The following MGAT4C variants were observed in gnomAD, a reference collection of about 807,000 sequenced individuals.
The protein encoded by MGAT4C is alpha-1,3-mannosyl-glycoprotein 4-beta-N-acetylglucosaminyltransferase C.
In MGAT4C, 19 loss-of-function variants were observed where a neutral mutation model predicts 40.1. The observed-to-expected ratio is 0.47, with a 90% CI of 0.33 to 0.70. The LOEUF (loss-of-function observed/expected upper bound fraction) is 0.70. Ranked by LOEUF, MGAT4C falls within the 30% of genes least tolerant of loss-of-function variation. The pLI is 0.02. For synonymous variants in MGAT4C, 181 were observed against 187.1 expected, an observed-to-expected ratio of 0.97 and a Z score of 0.27; for missense variants, 491 against 563.2, an observed-to-expected ratio of 0.87 and a Z score of 1.30.
chr12:86,028,219 A>C (rs953772343), intron 2 of MGAT4C: 1 of 1,266,456 alleles, frequency 7.9e-7, no homozygotes, highest in African/African-American at 1.5e-5. Flanking sequence ...TGATGGAAAA[A>C]AGTTCAAAAT....
Position 86,584,430 on chromosome 12 carries a change from C to T in MGAT4C, c.-229+142779G>A, listed in dbSNP as rs886523486. ...TTAATTACAAGTTTTCCTAAGAAAA[C>T]AATAATATATGAATATATTATTCTG... On this transcript the variant is annotated intron_variant, in intron 2 of 7. Transcript: ENST00000548651. Among the ~76,000 whole-genome samples, 6 of 151,046 alleles carry T rather than the reference C, an allele frequency of 4.0e-5. 1 individual carries two copies. In the South Asian group the frequency reaches 8.3e-4, roughly 21 times the overall value.
intron 3 of MGAT4C, among the ~76,000 whole-genome samples, chr12:86,428,021 A>T (rs1956962304): frequency 6.6e-6 from 1 of 151,784 alleles, no homozygotes; most frequent in East Asian, 1.9e-4. Flanking sequence ...GTCCATTTCA[A>T]AAACAACAGC....
At chr12:86,671,119 C>A (rs939277001) in intron 2 of MGAT4C, among the ~76,000 whole-genome samples, 1 of 152,144 alleles carries the variant, frequency 6.6e-6, no homozygotes, top group Non-Finnish European at 1.5e-5. Context: ...TAACATCGTT[C>A]TTGAATGGTT....
At chr12:86,028,110 T>A (rs1167698944) in intron 2 of MGAT4C, 6 of 1,286,702 alleles carry the variant, frequency 4.7e-6, no homozygotes, top group Non-Finnish European at 6.1e-6. Context: ...ATACCTTGCA[T>A]CTTCTGGATC....
intron 2 of MGAT4C, among the ~76,000 whole-genome samples, chr12:86,044,484 C>T (rs2136949233): frequency 6.6e-6 from 1 of 152,204 alleles, no homozygotes; most frequent in African/African-American, 2.4e-5. Context: ...GATGCATGCA[C>T]ACACATATTC....
chr12:86,736,500 T>C (rs2136125322), intron 1 of MGAT4C, among the ~76,000 whole-genome samples: 1 of 151,882 alleles, frequency 6.6e-6, no homozygotes, highest in South Asian at 2.1e-4. Context: ...GTATATTAAC[T>C]AAATCACCCC....
At chr12:85,998,238 C>T (rs1886866094) in intron 2 of MGAT4C, among the ~76,000 whole-genome samples, 4 of 152,186 alleles carry the variant, frequency 2.6e-5, no homozygotes, top group African/African-American at 9.7e-5. Context: ...AGGCTGCACA[C>T]AGCACTGGGA....
intron 1 of MGAT4C, among the ~76,000 whole-genome samples, chr12:86,788,810 T>C (rs1951976598): frequency 6.6e-6 from 1 of 152,152 alleles, no homozygotes; most frequent in Non-Finnish European, 1.5e-5. Flanking sequence ...GAAAATGCTG[T>C]GCTATCTTTT....
intron 2 of MGAT4C, among the ~76,000 whole-genome samples, chr12:86,505,150 T>C (rs1388693117): frequency 1.3e-5 from 2 of 151,994 alleles, no homozygotes; most frequent in Non-Finnish European, 2.9e-5. Context: ...CTAGAGAATC[T>C]AATTCTGAAC....
chr12:86,187,520 T>G (rs914533285), intron 1 of MGAT4C, among the ~76,000 whole-genome samples: 1 of 152,030 alleles, frequency 6.6e-6, no homozygotes, highest in Non-Finnish European at 1.5e-5. Context: ...ATTGGTATAA[T>G]AGTTTTTAGA....
intron 3 of MGAT4C, among the ~76,000 whole-genome samples, chr12:86,432,163 A>G (rs1957051318): frequency 6.6e-6 from 1 of 152,156 alleles, no homozygotes; most frequent in Non-Finnish European, 1.5e-5. Flanking sequence ...AAACCAAGAA[A>G]ACTGAGTGGA....
chr12:86,133,413 T>C (rs1023309247), intron 1 of MGAT4C, among the ~76,000 whole-genome samples: 9 of 152,210 alleles, frequency 5.9e-5, no homozygotes, highest in African/African-American at 2.2e-4. Context: ...GGAAGCATTT[T>C]AGAGTAAATG....
In MGAT4C at chr12:86,421,498, G is replaced by A. The variant is rs561092660; in HGVS notation, c.-120+13659C>T. Reference sequence around the variant, plus strand: ...TTAAAAGACCTTGGATTGGCCTGGCGCCATGGCTCACGCCTGTAGTCCCAG... The same window carrying A: ...TTAAAAGACCTTGGATTGGCCTGGCACCATGGCTCACGCCTGTAGTCCCAG... On this transcript the variant is annotated intron_variant, in intron 3 of 7. Transcript: ENST00000548651. Among the ~76,000 whole-genome samples the A allele has an allele frequency of 1.1e-4, 17 of 152,240 alleles. No individual in the cohort carries two copies. In the South Asian group the frequency reaches 2.3e-3, roughly 20 times the overall value.
At chr12:86,526,271 T>C (rs1958881076) in intron 2 of MGAT4C, among the ~76,000 whole-genome samples, 1 of 152,040 alleles carries the variant, frequency 6.6e-6, no homozygotes, top group Admixed American at 6.6e-5. Flanking sequence ...AGGTTCCAAC[T>C]GCCATTGGTT....
intron 1 of MGAT4C, among the ~76,000 whole-genome samples, chr12:86,756,932 A>C (rs1416554598): frequency 6.6e-6 from 1 of 152,306 alleles, no homozygotes; most frequent in East Asian, 1.9e-4. Context: ...ACAAAATCAT[A>C]ATAAGCCTTT....
At chr12:86,354,300 A>C (rs1394870091) in intron 3 of MGAT4C, among the ~76,000 whole-genome samples, 1 of 152,232 alleles carries the variant, frequency 6.6e-6, no homozygotes, top group African/African-American at 2.4e-5. Context: ...AACAGGACCC[A>C]TAGTATTATA....
chr12:86,680,121 C>T (rs572525017), intron 2 of MGAT4C, among the ~76,000 whole-genome samples: 2 of 151,974 alleles, frequency 1.3e-5, no homozygotes, highest in African/African-American at 4.8e-5. Flanking sequence ...AGAATTTGGC[C>T]AAATCCCCAC....
chr12:86,126,980 A>C (rs1373790119), intron 1 of MGAT4C, among the ~76,000 whole-genome samples: 3 of 152,200 alleles, frequency 2.0e-5, no homozygotes, highest in Non-Finnish European at 4.4e-5. Flanking sequence ...TGGAACACAC[A>C]ACCTAGATCC....
In MGAT4C at chr12:85,966,028, A is replaced by C. The variant is rs2136650971; in HGVS notation, c.*13261T>G. 6.6e-6 allele frequency: 1 copy of C among 152,294 alleles called. No individual in the cohort carries two copies. The highest frequency in any genetic ancestry group is 1.9e-4 in the East Asian group (1 of 5,186). The allele number at this position is 152,294 out of a possible 1,614,324, so 9.4% of individuals were successfully genotyped here. A position where few individuals can be genotyped will look rare whatever the true frequency, so the allele number is the denominator to read the frequency against. On this transcript the variant is annotated 3_prime_UTR_variant, in exon 5 of 5. Transcript: ENST00000611864. ...TAAAAAGGTATGTTAAGTAATTAAA[A>C]GTGTCAGGCATTATTTTCCTATTAT... is the stretch of plus-strand genomic sequence containing the variant.
Sources: gnomAD v4.1 joint callset for allele counts (sites outside exome capture counted in the v4.1 genomes callset) on GRCh38, gnomAD v4.1.1 for gene constraint, MANE v1.5 for transcripts, NCBI Gene and HGNC (gene_info 2026-07-23, HGNC 2026-07-21) for gene names.